The following CHIC1 variants were observed in gnomAD, a reference collection of about 807,000 sequenced individuals.
CHIC1 encodes the protein cysteine-rich hydrophobic domain-containing protein 1.
A neutral mutation model predicts 18.5 loss-of-function variants in CHIC1; 7 were observed. That is an observed-to-expected ratio of 0.38 (90% confidence interval 0.22 to 0.71). The LOEUF is 0.71. CHIC1 is among the 30% of genes least tolerant of loss of function. The probability of loss-of-function intolerance (pLI) is 0.49; values close to 1 mark genes in which losing one functional copy is unlikely to be tolerated. For missense variants in CHIC1, 159 were observed against 176.9 expected (o/e 0.90, Z 0.57); for synonymous variants, 77 against 73.5 (o/e 1.05, Z -0.25).
At chrX:73,610,312 T>G (rs931902405) in intron 3 of CHIC1, among the ~76,000 whole-genome samples, 11 of 109,248 alleles carry the variant, frequency 1.0e-4, no homozygotes, top group Admixed American at 2.9e-4. Flanking sequence ...TTCCCTTGGC[T>G]GGGAGAGGGA....
At chrX:73,648,939 C>T (rs2057902593) in intron 3 of CHIC1, among the ~76,000 whole-genome samples, 2 of 111,645 alleles carry the variant, frequency 1.8e-5, no homozygotes, top group Admixed American at 1.9e-4. Context: ...AGTGTTAAGG[C>T]AGCCAGAGAG....
chrX:73,602,901 C>T (rs1317402563), intron 3 of CHIC1, among the ~76,000 whole-genome samples: 3 of 108,839 alleles, frequency 2.8e-5, no homozygotes, highest in African/African-American at 1.1e-4. Flanking sequence ...TAGTACAATG[C>T]TGTTTTGGTT....
intron 3 of CHIC1, among the ~76,000 whole-genome samples, chrX:73,591,672 A>T (rs758865999): frequency 1.8e-5 from 2 of 111,462 alleles, no homozygotes; most frequent in Admixed American, 9.6e-5. Context: ...ATTTTGTTTT[A>T]TGTTATATTC....
At chrX:73,580,610 C>G (rs1249823261) in intron 2 of CHIC1, among the ~76,000 whole-genome samples, 1 of 109,778 alleles carries the variant, frequency 9.1e-6, no homozygotes, top group African/African-American at 3.3e-5. Context: ...TCTCAGATAA[C>G]TGGAGAGAAA....
chrX:73,642,630 T>C lies in CHIC1; in HGVS notation c.508-36696T>C, dbSNP rs1166246667. Reference sequence around the variant, plus strand: ...CCTGAATGGTAATGCCTAGGTTTTCTTCTAGGGTTTTTATGGTTTTAGGTC... The same window carrying C: ...CCTGAATGGTAATGCCTAGGTTTTCCTCTAGGGTTTTTATGGTTTTAGGTC... On this transcript the variant is annotated intron_variant, in intron 3 of 5. Coordinates refer to ENST00000373502, the MANE Select transcript of CHIC1 (RefSeq NM_001039840.4). Among the ~76,000 whole-genome samples the C allele has an allele frequency of 8.3e-5, 9 of 108,807 alleles. No homozygotes were observed. In the Admixed American group the frequency reaches 9.0e-4, roughly 11 times the overall value. 94.5% of individuals were successfully genotyped at this position (108,807 alleles called of 115,157 possible). A position where few individuals can be genotyped will look rare whatever the true frequency, so the allele number is the denominator to read the frequency against.
At chrX:73,624,671 C>A (rs759252018) in intron 3 of CHIC1, among the ~76,000 whole-genome samples, 1 of 111,914 alleles carries the variant, frequency 8.9e-6, no homozygotes, top group African/African-American at 3.2e-5. Context: ...CAAGAGAGTA[C>A]CACCACATGG....
chrX:73,625,001 T>C (rs554034923), intron 3 of CHIC1, among the ~76,000 whole-genome samples: 1 of 112,316 alleles, frequency 8.9e-6, no homozygotes, highest in East Asian at 2.8e-4. Context: ...AAGAAATCCT[T>C]ACCCTTTTGC....
intron 3 of CHIC1, among the ~76,000 whole-genome samples, chrX:73,642,039 A>T (rs376817628): frequency 5.4e-5 from 6 of 111,681 alleles, no homozygotes; most frequent in East Asian, 5.6e-4. Context: ...TACCCAGTAA[A>T]GGGATGGCTG....
intron 3 of CHIC1, among the ~76,000 whole-genome samples, chrX:73,641,927 A>G (rs1287578518): frequency 2.7e-5 from 3 of 111,754 alleles, no homozygotes; most frequent in African/African-American, 9.8e-5. Context: ...ATTGTTGGAC[A>G]TTTGGGTTGA....
chrX:73,677,581 G>A lies in CHIC1; in HGVS notation c.508-1745G>A, dbSNP rs776700742. 2.5e-4 allele frequency among the ~76,000 whole-genome samples: 28 copies of A among 112,072 alleles called. No homozygotes were observed. The South Asian group carries it at 3.0e-3, about 12-fold the overall frequency. On this transcript the variant is annotated intron_variant, in intron 3 of 5. Coordinates refer to ENST00000373502, the MANE Select transcript of CHIC1 (RefSeq NM_001039840.4). ...TCCTGGTGTGCTGTTTTTTAAGCCC[G>A]TTGGAAAAGCGCAGTATTTGGGTGG...
chrX:73,657,695 A>G (rs2036335930), intron 3 of CHIC1, among the ~76,000 whole-genome samples: 1 of 111,853 alleles, frequency 8.9e-6, no homozygotes, highest in Non-Finnish European at 1.9e-5. Context: ...GTGTTTTCCC[A>G]ATTTTCAAGG....
chrX:73,642,286 T>C (rs1369400239), intron 3 of CHIC1, among the ~76,000 whole-genome samples: 29 of 111,521 alleles, frequency 2.6e-4, no homozygotes, highest in African/African-American at 9.4e-4. Context: ...TGAGCATTTT[T>C]TCATGTGTTT....
chrX:73,591,285 T>G (rs1374272282), intron 3 of CHIC1, among the ~76,000 whole-genome samples: 1 of 110,436 alleles, frequency 9.1e-6, no homozygotes, highest in Non-Finnish European at 1.9e-5. Flanking sequence ...TTTAATGACA[T>G]GGGTACAGGA....
chrX:73,674,754 A>G (rs1333898142), intron 3 of CHIC1, among the ~76,000 whole-genome samples: 3 of 110,109 alleles, frequency 2.7e-5, no homozygotes, highest in African/African-American at 6.6e-5. Context: ...CTCTGATCTT[A>G]TTTATTTCTT....
chrX:73,611,194 A>G (rs557875302), intron 3 of CHIC1, among the ~76,000 whole-genome samples: 2 of 107,433 alleles, frequency 1.9e-5, no homozygotes, highest in African/African-American at 7.3e-5. Context: ...AACAGGCTCC[A>G]GTGTGTGATG....
chrX:73,644,682 G>T (rs1219453980), intron 3 of CHIC1, among the ~76,000 whole-genome samples: 1 of 112,809 alleles, frequency 8.9e-6, no homozygotes, highest in Middle Eastern at 4.6e-3. Flanking sequence ...GACCCTCCAA[G>T]CCAGGTGCAG....
chrX:73,634,084 C>T (rs1203369442), intron 3 of CHIC1, among the ~76,000 whole-genome samples: 1 of 111,872 alleles, frequency 8.9e-6, no homozygotes, highest in Non-Finnish European at 1.9e-5. Context: ...TTTGTGGTAT[C>T]ATATTTCCTT....
intron 3 of CHIC1, among the ~76,000 whole-genome samples, chrX:73,604,951 G>C (rs1229510282): frequency 1.8e-5 from 2 of 108,850 alleles, no homozygotes; most frequent in Non-Finnish European, 3.8e-5. Flanking sequence ...ATTGTGATGT[G>C]GTGCTGAGAA....
intron 1 of CHIC1, 31 bp from the exon 2 acceptor site, chrX:73,577,376 G>T: frequency 9.0e-7 from 1 of 1,116,603 alleles, no homozygotes; most frequent in South Asian, 1.9e-5. Flanking sequence ...ATGCTGGGTA[G>T]AACATATTTT....
Sources: gnomAD v4.1 joint callset for allele counts (sites outside exome capture counted in the v4.1 genomes callset) on GRCh38, gnomAD v4.1.1 for gene constraint, MANE v1.5 for transcripts, NCBI Gene and HGNC (gene_info 2026-07-23, HGNC 2026-07-21) for gene names.